The following SLC25A26 variants were observed in gnomAD, a reference collection of about 807,000 sequenced individuals.
The protein encoded by SLC25A26 is solute carrier family 25 member 26, also known as mitochondrial S-adenosylmethionine carrier protein.
Under a neutral mutation model 37.8 loss-of-function variants are expected in SLC25A26, and 36 were observed. The observed-to-expected ratio is 0.95, with a 90% confidence interval of 0.73 to 1.26. The LOEUF (loss-of-function observed/expected upper bound fraction) is 1.26. Ranked by LOEUF, SLC25A26 falls within the 50% of genes most tolerant of loss-of-function variation. The pLI is 0.00. For synonymous variants in SLC25A26, 129 were observed against 122.5 expected (o/e 1.05, Z -0.35); for missense variants, 390 against 331.1 (o/e 1.18, Z -1.38).
intron 3 of SLC25A26, among the ~76,000 whole-genome samples, chr3:66,249,331 C>T (rs1163364032): frequency 6.6e-6 from 1 of 152,192 alleles, no homozygotes; most frequent in Non-Finnish European, 1.5e-5. Context: ...GTACCACAGT[C>T]CATTCCAGGG....
At chr3:66,277,170 A>C (rs1199718194) in intron 5 of SLC25A26, among the ~76,000 whole-genome samples, 1 of 152,136 alleles carries the variant, frequency 6.6e-6, no homozygotes, top group Non-Finnish European at 1.5e-5. Context: ...CTGTAGTCTC[A>C]TCAATTACCA....
intron 2 of SLC25A26, among the ~76,000 whole-genome samples, chr3:66,237,263 A>G (rs1016191504): frequency 2.6e-5 from 4 of 152,226 alleles, no homozygotes; most frequent in Non-Finnish European, 5.9e-5. Context: ...TAGAATCCTT[A>G]AAGTGTTATT....
intron 1 of SLC25A26, among the ~76,000 whole-genome samples, chr3:66,195,205 C>G (rs946943593): frequency 2.6e-5 from 4 of 152,178 alleles, no homozygotes. Context: ...CGCCCCATAC[C>G]CCCTACCCAG....
chr3:66,261,949 C>T, intron 3 of SLC25A26, 102 bp from the exon 4 acceptor site: 1 of 670,218 alleles, frequency 1.5e-6, no homozygotes, highest in Non-Finnish European at 2.6e-6. Flanking sequence ...TTGCAGTAAG[C>T]CTACATATTA....
At chr3:66,152,725 C>T (rs999563151) in intron 1 of SLC25A26, among the ~76,000 whole-genome samples, 22 of 152,138 alleles carry the variant, frequency 1.4e-4, no homozygotes, top group Admixed American at 5.2e-4. Context: ...ATTTGGCTGA[C>T]GTTGTCTATT....
At chr3:66,260,828 T>A (rs1404165736) in intron 3 of SLC25A26, among the ~76,000 whole-genome samples, 3 of 152,252 alleles carry the variant, frequency 2.0e-5, no homozygotes, top group African/African-American at 7.2e-5. Context: ...AACAGCATAG[T>A]TGAACAATTG....
intron 3 of SLC25A26, among the ~76,000 whole-genome samples, chr3:66,244,001 C>T (rs1470252715): frequency 6.6e-6 from 1 of 152,164 alleles, no homozygotes; most frequent in Non-Finnish European, 1.5e-5. Context: ...TCTTCCCCAA[C>T]TTCACATCCA....
intron 3 of SLC25A26, among the ~76,000 whole-genome samples, chr3:66,246,858 A>G (rs1205211824): frequency 6.6e-6 from 1 of 151,712 alleles, no homozygotes; most frequent in Non-Finnish European, 1.5e-5. Flanking sequence ...ATTCCTAGAG[A>G]ATCTTTGTTT....
At chr3:66,302,045 G>A (rs1002040422) in intron 5 of SLC25A26, among the ~76,000 whole-genome samples, 26 of 152,166 alleles carry the variant, frequency 1.7e-4, no homozygotes, top group African/African-American at 5.8e-4. Flanking sequence ...TTGTTGTGAT[G>A]ATAATGATGA....
At chr3:66,256,530 A>G (rs1340163481) in intron 3 of SLC25A26, among the ~76,000 whole-genome samples, 1 of 152,210 alleles carries the variant, frequency 6.6e-6, no homozygotes, top group Non-Finnish European at 1.5e-5. Flanking sequence ...AAACACCTGT[A>G]ATTCTACTCT....
intron 5 of SLC25A26, among the ~76,000 whole-genome samples, chr3:66,276,021 A>C (rs2074132492): frequency 6.6e-6 from 1 of 152,130 alleles, no homozygotes; most frequent in Non-Finnish European, 1.5e-5. Context: ...TTTGAAGGTC[A>C]AATGTAGTTT....
At chr3:66,213,177 A>G (rs1176928121) in intron 1 of SLC25A26, among the ~76,000 whole-genome samples, 4 of 152,052 alleles carry the variant, frequency 2.6e-5, no homozygotes, top group African/African-American at 9.7e-5. Flanking sequence ...AGGTGGGTGG[A>G]TCACCTGAGG....
At chr3:66,194,802 T>C (rs1483786753) in intron 1 of SLC25A26, among the ~76,000 whole-genome samples, 4 of 152,328 alleles carry the variant, frequency 2.6e-5, no homozygotes, top group South Asian at 4.1e-4. Context: ...GGTTTCTTCG[T>C]GTTGGCCAGG....
chr3:66,272,317 T>C (rs900801919), intron 5 of SLC25A26, among the ~76,000 whole-genome samples: 3 of 152,126 alleles, frequency 2.0e-5, no homozygotes, highest in African/African-American at 7.2e-5. Context: ...GCTGTGTATT[T>C]TACATTTTAT....
chr3:66,249,019 G>A (rs545130719), intron 3 of SLC25A26, among the ~76,000 whole-genome samples: 7 of 152,336 alleles, frequency 4.6e-5, no homozygotes, highest in Non-Finnish European at 7.3e-5. Flanking sequence ...AATTGGCTCA[G>A]TAATTCCCTA....
intron 1 of SLC25A26, among the ~76,000 whole-genome samples, chr3:66,138,187 G>A (rs1211908225): frequency 2.0e-5 from 3 of 152,044 alleles, no homozygotes; most frequent in Non-Finnish European, 4.4e-5. Flanking sequence ...ATGTGAACAC[G>A]TAAAATAAAC....
At chr3:66,347,850 T>A (rs1029535057) in intron 6 of SLC25A26, among the ~76,000 whole-genome samples, 15 of 152,122 alleles carry the variant, frequency 9.9e-5, no homozygotes, top group African/African-American at 3.4e-4. Flanking sequence ...CTGGAAGCCA[T>A]TATCCTCAGC....
chr3:66,337,074 G>A (rs2076107318), intron 5 of SLC25A26, among the ~76,000 whole-genome samples: 1 of 152,042 alleles, frequency 6.6e-6, no homozygotes, highest in African/African-American at 2.4e-5. Context: ...AAATCTAAAA[G>A]CAAATATTGA....
At chr3:66,326,585 A>G (rs1303168360) in intron 5 of SLC25A26, among the ~76,000 whole-genome samples, 2 of 152,204 alleles carry the variant, frequency 1.3e-5, no homozygotes, top group Non-Finnish European at 2.9e-5. Flanking sequence ...CCACGGGAGA[A>G]GTCTCCCTGC....
Sources: gnomAD v4.1 joint callset for allele counts (sites outside exome capture counted in the v4.1 genomes callset) on GRCh38, gnomAD v4.1.1 for gene constraint, MANE v1.5 for transcripts, NCBI Gene and HGNC (gene_info 2026-07-23, HGNC 2026-07-21) for gene names.